The following DSCAML1 variants were observed in gnomAD, a reference collection of about 807,000 sequenced individuals.
DSCAML1 encodes cell adhesion molecule DSCAML1.
A neutral mutation model predicts 200.5 loss-of-function variants in DSCAML1; 38 were observed. The observed-to-expected ratio is 0.19, with a 90% CI of 0.15 to 0.25. The LOEUF (loss-of-function observed/expected upper bound fraction) is 0.25, where lower values mean the gene tolerates loss of function less well. Among genes scored for constraint, DSCAML1 ranks in the 10% least tolerant of loss-of-function variants. The pLI, the probability that DSCAML1 is intolerant of heterozygous loss-of-function variation, is 1.00. For missense variants in DSCAML1, 2,223 were observed against 2,858.8 expected, an observed-to-expected ratio of 0.78 and a Z score of 5.07; for synonymous variants, 1,215 against 1,165.0, an observed-to-expected ratio of 1.04 and a Z score of -0.87.
chr11:117,437,532 T>C lies in DSCAML1; in HGVS notation c.4433-123A>G. 8.2e-7 allele frequency: 1 copy of C among 1,219,622 alleles called. No individual in the cohort carries two copies. Among genetic ancestry groups the C allele is most frequent in the South Asian group, 1.5e-5 (1 of 67,270 alleles). 75.6% of individuals were successfully genotyped at this position (1,219,622 alleles called of 1,614,324 possible). A position where few individuals can be genotyped will look rare whatever the true frequency, so the allele number is the denominator to read the frequency against. On this transcript the variant is annotated intron_variant, in intron 25 of 32. Transcript: ENST00000651296. This position sits in a 1 kb window ranked among gnomAD's most constrained non-coding sequence, Gnocchi z 5.3. ...ATGGCAGTGGCTCCAGGAGAATACATGTTTGGCACAGATGGGGTGGGGAAG... is the reference window on the plus strand; with the variant it reads ...ATGGCAGTGGCTCCAGGAGAATACACGTTTGGCACAGATGGGGTGGGGAAG...
At chr11:117,637,318 T>C (rs549249872) in intron 3 of DSCAML1, among the ~76,000 whole-genome samples, 2 of 152,262 alleles carry the variant, frequency 1.3e-5, no homozygotes, top group East Asian at 3.9e-4. Flanking sequence ...TATCCCAGTG[T>C]TATTGTGCAT....
At chr11:117,508,352 A>G (rs2049547913) in intron 8 of DSCAML1, among the ~76,000 whole-genome samples, 1 of 152,142 alleles carries the variant, frequency 6.6e-6, no homozygotes. Flanking sequence ...TCCCTGGGGT[A>G]ACTCCCTATA....
At chr11:117,626,629 G>C (rs143536333) in intron 3 of DSCAML1, among the ~76,000 whole-genome samples, 7 of 152,250 alleles carry the variant, frequency 4.6e-5, no homozygotes, top group South Asian at 4.2e-4. Flanking sequence ...GCACATCAAA[G>C]CATGTGGCGG....
At chr11:117,594,921 T>A (rs549727899) in intron 3 of DSCAML1, among the ~76,000 whole-genome samples, 2 of 152,306 alleles carry the variant, frequency 1.3e-5, no homozygotes, top group East Asian at 3.9e-4. Context: ...TTTTCATTCC[T>A]CATTGTTACC....
intron 3 of DSCAML1, among the ~76,000 whole-genome samples, chr11:117,606,265 T>G (rs1490562177): frequency 5.3e-5 from 8 of 152,148 alleles, no homozygotes; most frequent in Non-Finnish European, 1.2e-4. Context: ...AATTAGGGAT[T>G]AGGAATGCAT....
chr11:117,718,669 C>A (rs76795718), intron 3 of DSCAML1, among the ~76,000 whole-genome samples: 2,152 of 39,138 alleles, frequency 0.055, 306 homozygotes, highest in Non-Finnish European at 0.077. Context: ...ATACTCAAAA[C>A]CCCCCCCCCC....
intron 14 of DSCAML1, among the ~76,000 whole-genome samples, chr11:117,474,967 G>C (rs1348150294): frequency 6.6e-6 from 1 of 152,082 alleles, no homozygotes; most frequent in African/African-American, 2.4e-5. Context: ...GTGTTAGCCA[G>C]GATGGTCTCG....
intron 3 of DSCAML1, among the ~76,000 whole-genome samples, chr11:117,565,735 C>T (rs938232763): frequency 6.6e-6 from 1 of 152,182 alleles, no homozygotes; most frequent in Non-Finnish European, 1.5e-5. Flanking sequence ...CAGCACTCAG[C>T]TGGCTACAGG....
At chr11:117,600,824 C>T (rs1004339323) in intron 3 of DSCAML1, among the ~76,000 whole-genome samples, 3 of 152,066 alleles carry the variant, frequency 2.0e-5, no homozygotes, top group African/African-American at 7.2e-5. Flanking sequence ...AGAACCTTTC[C>T]TTCTGCCCTG....
chr11:117,445,411 T>C (rs2048157049), intron 20 of DSCAML1, among the ~76,000 whole-genome samples: 1 of 152,228 alleles, frequency 6.6e-6, no homozygotes. Context: ...GGGACTGGTG[T>C]GCGTATCTGT....
intron 6 of DSCAML1, among the ~76,000 whole-genome samples, chr11:117,519,415 CAATT>C (rs918464353): frequency 6.6e-5 from 10 of 152,236 alleles, no homozygotes; most frequent in Non-Finnish European, 1.0e-4. Flanking sequence ...TTGGACAAGA[CAATT>C]AACCTCTGTG....
chr11:117,707,610 T>C (rs1389609934), intron 3 of DSCAML1, among the ~76,000 whole-genome samples: 1 of 152,208 alleles, frequency 6.6e-6, no homozygotes, highest in Non-Finnish European at 1.5e-5. Context: ...CTCGACTCAC[T>C]GCAACCTCTG....
chr11:117,593,164 C>T (rs921574708), intron 3 of DSCAML1, among the ~76,000 whole-genome samples: 22 of 152,112 alleles, frequency 1.4e-4, no homozygotes, highest in Non-Finnish European at 2.9e-5. Flanking sequence ...CCTGGGCCCA[C>T]GTGTCCTGCC....
At chr11:117,561,460 A>G (rs1440843072) in intron 3 of DSCAML1, among the ~76,000 whole-genome samples, 2 of 152,088 alleles carry the variant, frequency 1.3e-5, no homozygotes, top group Non-Finnish European at 2.9e-5. Context: ...GGCTATGGGG[A>G]TGAAATCTGC....
intron 3 of DSCAML1, among the ~76,000 whole-genome samples, chr11:117,763,684 C>T (rs138289491): frequency 0.019 from 2,941 of 151,354 alleles, 42 homozygotes; most frequent in Middle Eastern, 0.034. Flanking sequence ...CTCCCTTGCC[C>T]GGACCCCAGC....
At position 117,428,430 on chromosome 11, in the gene DSCAML1, C is replaced by T. The variant is rs2047706822; in HGVS notation, c.6060G>A (p.Met2020Ile). 1.9e-6 allele frequency: 3 copies of T among 1,548,798 alleles called. No individual in the cohort carries two copies. The highest frequency in any genetic ancestry group is 1.4e-5 in the African/African-American group (1 of 71,862). The change falls in exon 33 of 33, where the codon ATG becomes ATA. Residue 2020 changes from methionine (M) to isoleucine (I), a missense_variant. By Grantham distance (10) the Met-to-Ile change is conservative (BLOSUM62 1). This residue lies in a region of DSCAML1 where 280 missense variants were observed against 213.4 expected (regional missense o/e 1.31). Transcript: ENST00000651296. The stretch of plus-strand genomic sequence containing the variant: ...CGAGAAGCGAGTCCCTGGAGCCCCC[C>T]ATTTTGGTGTGTGGGCCCCCGGCTC... ...PPRAGGPHTK[M>I]GGSRDSLLEM... is the part of the protein sequence containing the mutation.
In DSCAML1 at chr11:117,608,795, C is replaced by T. The variant is rs968331795; in HGVS notation, c.512-76273G>A. Reference sequence around the variant, plus strand: ...CAGGCTCTTTGTTGACACACATCACCATAAATCGGTACCACTCTTTACTAT... The same window carrying T: ...CAGGCTCTTTGTTGACACACATCACTATAAATCGGTACCACTCTTTACTAT... On this transcript the variant is annotated intron_variant, in intron 3 of 32. Transcript: ENST00000651296. 2.6e-5 allele frequency among the ~76,000 whole-genome samples: 4 copies of T among 152,288 alleles called. No homozygotes were observed. The South Asian group carries it at 8.3e-4, about 32-fold the overall frequency.
At chr11:117,745,162 G>A (rs11216524) in intron 3 of DSCAML1, among the ~76,000 whole-genome samples, 1 of 151,412 alleles carries the variant, frequency 6.6e-6, no homozygotes, top group Non-Finnish European at 1.5e-5. Context: ...TCATCTGGGT[G>A]GGGGGGATGA....
chr11:117,725,852 A>AC (rs1358349679), intron 3 of DSCAML1, among the ~76,000 whole-genome samples: 98 of 137,508 alleles, frequency 7.1e-4, no homozygotes, highest in African/African-American at 2.5e-3. Context: ...ACAAAACAAA[A>AC]AGGTAGGGAG....
Sources: allele counts gnomAD v4.1 joint callset (sites outside exome capture counted in the v4.1 genomes callset), GRCh38; gene constraint gnomAD v4.1.1; regional missense constraint gnomAD v4.1.1; non-coding constraint Gnocchi (gnomAD v3.1); transcripts MANE v1.5; gene names NCBI Gene and HGNC (gene_info 2026-07-23, HGNC 2026-07-21).